Variants in APPBP2 observed in about 807,000 individuals in gnomAD.
The protein encoded by APPBP2 is amyloid protein-binding protein 2.
In APPBP2, 15 loss-of-function variants were observed where a neutral mutation model predicts 76.0. The observed-to-expected ratio is 0.20, with a 90% CI of 0.13 to 0.30. APPBP2 has a LOEUF of 0.30. Among genes scored for constraint, APPBP2 ranks in the 10% least tolerant of loss-of-function variants. APPBP2 has a pLI of 1.00. For synonymous variants in APPBP2, 222 were observed against 242.2 expected (o/e 0.92, Z 0.77); for missense variants, 401 against 687.2 (o/e 0.58, Z 4.66).
intron 5 of APPBP2, among the ~76,000 whole-genome samples, chr17:60,465,544 G>A (rs1214037196): frequency 6.6e-6 from 1 of 152,164 alleles, no homozygotes; most frequent in African/African-American, 2.4e-5. Flanking sequence ...ATAAGGCACA[G>A]TATAAACCCC....
chr17:60,452,013 C>G lies in APPBP2; in HGVS notation c.1371G>C (p.Gln457His). The change falls in exon 12 of 13, where the codon CAG becomes CAC. Residue 457 changes from glutamine (Q) to histidine (H), a missense_variant. Gln to His is a conservative substitution (Grantham distance 24). This residue lies in a region of APPBP2 where 130 missense variants were observed against 322.7 expected (regional missense o/e 0.40). Coordinates refer to ENST00000083182, the MANE Select transcript of APPBP2 (RefSeq NM_006380.5). ...EAEEMHIKAI[Q>H]IKEQLLGQED... ...CTTGACCAAGAAGTTGTTCTTTAAT[C>G]TGAATTGCTTTGATGTGCATTTCTT... is the stretch of plus-strand genomic sequence containing the variant. 1.2e-6 allele frequency: 2 copies of G among 1,613,516 alleles called. No individual in the cohort carries two copies.
intron 12 of APPBP2, among the ~76,000 whole-genome samples, chr17:60,451,004 C>A (rs1019270691): frequency 4.6e-5 from 7 of 151,950 alleles, no homozygotes; most frequent in African/African-American, 1.7e-4. Context: ...AAGATGATGG[C>A]CATAGATTCC....
At position 60,482,281 on chromosome 17, in the gene APPBP2, C is replaced by A. The variant is rs1217265110; in HGVS notation, c.380-3010G>T. ...AAACAAGAAATAAATGAATCCAAAC[C>A]ATTTTAAAAACATATTCCTGTTAAG... On this transcript the variant is annotated intron_variant, in intron 3 of 12. Transcript: ENST00000083182. Among the ~76,000 whole-genome samples the A allele has an allele frequency of 3.3e-5, 5 of 152,004 alleles. No individual in the cohort carries two copies. In the East Asian group the frequency reaches 9.6e-4, roughly 29 times the overall value.
intron 4 of APPBP2, among the ~76,000 whole-genome samples, chr17:60,472,218 C>T (rs2090557732): frequency 1.3e-5 from 2 of 152,156 alleles, no homozygotes; most frequent in Non-Finnish European, 2.9e-5. Flanking sequence ...TCTGCAATTT[C>T]CTGGAGGAGT....
intron 4 of APPBP2, among the ~76,000 whole-genome samples, chr17:60,469,873 A>G (rs955648853): frequency 1.3e-5 from 2 of 152,198 alleles, no homozygotes; most frequent in Admixed American, 1.3e-4. Flanking sequence ...CTTGCTTTCA[A>G]TGCTTTTAGG....
chr17:60,494,965 G>C (rs57615857), intron 2 of APPBP2, among the ~76,000 whole-genome samples: 2 of 125,650 alleles, frequency 1.6e-5, no homozygotes, highest in African/African-American at 9.6e-5. Context: ...AGATAGAAGA[G>C]TTTTTTTTGT....
At chr17:60,517,139 C>A (rs1455618454) in intron 1 of APPBP2, among the ~76,000 whole-genome samples, 3 of 152,050 alleles carry the variant, frequency 2.0e-5, no homozygotes, top group Non-Finnish European at 4.4e-5. Flanking sequence ...CCATGCCTGG[C>A]TAATTTTTTT....
intron 3 of APPBP2, among the ~76,000 whole-genome samples, chr17:60,488,786 A>G (rs2143412885): frequency 6.6e-6 from 1 of 152,270 alleles, no homozygotes; most frequent in East Asian, 1.9e-4. Flanking sequence ...CTTTCATACT[A>G]AATTTCTCTC....
chr17:60,521,802 G>A (rs2091011903), intron 1 of APPBP2, among the ~76,000 whole-genome samples: 1 of 151,998 alleles, frequency 6.6e-6, no homozygotes, highest in Admixed American at 6.6e-5. Flanking sequence ...CAGCTTATCA[G>A]CTATCGTTAT....
chr17:60,487,578 C>A (rs1464159674), intron 3 of APPBP2, among the ~76,000 whole-genome samples: 4 of 152,154 alleles, frequency 2.6e-5, no homozygotes, highest in Admixed American at 6.5e-5. Flanking sequence ...ACTGTTTATT[C>A]TAGTTAGCCA....
rs2090350936 is a variant in APPBP2 at position 60,446,846 on chromosome 17, A to G, written c.*735T>C. 6.6e-6 allele frequency: 1 copy of G among 152,168 alleles called. No individual in the cohort carries two copies. The highest frequency in any genetic ancestry group is 6.5e-5 in the Admixed American group (1 of 15,274). 9.4% of individuals were successfully genotyped at this position (152,168 alleles called of 1,614,324 possible). ...CCTCTGGTCCAAGTAACCACCTTCT[A>G]CATTAGGCTGGTCCTTTTTAGATCC... On this transcript the variant is annotated 3_prime_UTR_variant, in exon 13 of 13. Transcript: ENST00000083182.
At chr17:60,481,086 C>G (rs1224330910) in intron 3 of APPBP2, among the ~76,000 whole-genome samples, 1 of 152,182 alleles carries the variant, frequency 6.6e-6, no homozygotes, top group Non-Finnish European at 1.5e-5. Flanking sequence ...CCCACGGGCC[C>G]TCTTTTCAGA....
intron 2 of APPBP2, among the ~76,000 whole-genome samples, chr17:60,497,653 TTAAAA>T (rs1259616259): frequency 2.0e-5 from 3 of 152,014 alleles, no homozygotes; most frequent in Non-Finnish European, 4.4e-5. Flanking sequence ...CCCCAAAAAC[TTAAAA>T]TAAAACAGTA....
intron 4 of APPBP2, among the ~76,000 whole-genome samples, chr17:60,474,613 T>A (rs2090576181): frequency 6.6e-6 from 1 of 152,234 alleles, no homozygotes; most frequent in South Asian, 2.1e-4. Context: ...AGTATCCTTA[T>A]TTGAAATGTT....
At chr17:60,467,177 G>C (rs1369143165) in intron 4 of APPBP2, among the ~76,000 whole-genome samples, 1 of 152,024 alleles carries the variant, frequency 6.6e-6, no homozygotes, top group Admixed American at 6.6e-5. Flanking sequence ...TTTATTAAAT[G>C]CTAGCTAGAA....
chr17:60,486,748 G>A (rs558541110), intron 3 of APPBP2, among the ~76,000 whole-genome samples: 12 of 152,204 alleles, frequency 7.9e-5, no homozygotes, highest in East Asian at 3.9e-4. Flanking sequence ...GATGTTAGCC[G>A]GTTATTTTGG....
intron 1 of APPBP2, among the ~76,000 whole-genome samples, chr17:60,521,460 G>C (rs1226997016): frequency 2.0e-5 from 3 of 152,184 alleles, no homozygotes; most frequent in African/African-American, 7.2e-5. Flanking sequence ...TTCACGGTAA[G>C]TGCCCTATAC....
At chr17:60,459,061 G>A (rs1470439025) in intron 9 of APPBP2, among the ~76,000 whole-genome samples, 2 of 151,984 alleles carry the variant, frequency 1.3e-5, no homozygotes, top group Non-Finnish European at 2.9e-5. Context: ...ATCAGCCACT[G>A]CGCCCAGCCA....
chr17:60,508,393 T>TA lies in APPBP2; in HGVS notation c.139-7907dup, dbSNP rs539871557. On this transcript the variant is annotated intron_variant, in intron 1 of 12. Coordinates refer to ENST00000083182, the MANE Select transcript of APPBP2 (RefSeq NM_006380.5). ...GACACAGAAAGGCTGGATATATATT[T>TA]AAAAAAAATCACAAAATAACTTTTG... Among the ~76,000 whole-genome samples, 1,487 of 152,058 alleles carry TA rather than the reference T, an allele frequency of 9.8e-3. 16 individuals carry two copies. The highest frequency in any genetic ancestry group is 0.032 in the African/African-American group (1,335 of 41,512).
Sources: gnomAD v4.1 joint callset for allele counts (sites outside exome capture counted in the v4.1 genomes callset) on GRCh38, gnomAD v4.1.1 for gene constraint, gnomAD v4.1.1 regional missense constraint, MANE v1.5 for transcripts, NCBI Gene and HGNC (gene_info 2026-07-23, HGNC 2026-07-21) for gene names.